The following EXOC6B variants were observed in gnomAD, a reference collection of about 807,000 sequenced individuals.
EXOC6B encodes SEC15 homolog B.
Under a neutral mutation model 113.5 loss-of-function variants are expected in EXOC6B, and 54 were observed. That is an observed-to-expected ratio of 0.48 (90% CI 0.38 to 0.60). The LOEUF (loss-of-function observed/expected upper bound fraction) is 0.60, where lower values mean the gene tolerates loss of function less well. EXOC6B is among the 20% of genes least tolerant of loss of function. EXOC6B has a pLI of 0.00. For missense variants in EXOC6B, 797 were observed against 977.5 expected, an observed-to-expected ratio of 0.82 and a Z score of 2.46; for synonymous variants, 357 against 339.0, an observed-to-expected ratio of 1.05 and a Z score of -0.58.
At chr2:72,233,232 G>C (rs1316164078) in intron 20 of EXOC6B, among the ~76,000 whole-genome samples, 1 of 152,106 alleles carries the variant, frequency 6.6e-6, no homozygotes, top group East Asian at 1.9e-4. Context: ...AGGGTGGCAG[G>C]AGAGGCCAAG....
Position 72,817,103 on chromosome 2 carries a change from CCT to C in EXOC6B, c.113+8693_113+8694del, listed in dbSNP as rs541996068. Among the ~76,000 whole-genome samples the C allele has an allele frequency of 9.0e-3, 1,375 of 152,286 alleles. 8 individuals are homozygous for C. Among genetic ancestry groups the C allele is most frequent in the Non-Finnish European group, 0.013 (914 of 68,008 alleles). On this transcript the variant is annotated intron_variant, in intron 1 of 21. Transcript: ENST00000272427. ...TGAAACTTATTTAACATTATCCACC[CCT>C]TTTTACCCAAATGTACAATTTCAAC...
At chr2:72,345,971 G>T (rs1689308029) in intron 19 of EXOC6B, among the ~76,000 whole-genome samples, 1 of 152,032 alleles carries the variant, frequency 6.6e-6, no homozygotes, top group Non-Finnish European at 1.5e-5. Flanking sequence ...ACCCAATTTT[G>T]CTGGGAACCT....
At chr2:72,613,592 T>TC (rs1671208683) in intron 6 of EXOC6B, among the ~76,000 whole-genome samples, 1 of 152,106 alleles carries the variant, frequency 6.6e-6, no homozygotes, top group Non-Finnish European at 1.5e-5. Flanking sequence ...TGCCATTTTT[T>TC]CTTCATATTT....
intron 19 of EXOC6B, among the ~76,000 whole-genome samples, chr2:72,341,488 C>T (rs1177382637): frequency 6.6e-6 from 1 of 152,082 alleles, no homozygotes; most frequent in East Asian, 1.9e-4. Context: ...ACAAAATACA[C>T]ACTTTTTGGT....
At chr2:72,254,929 GA>G (rs1321796344) in intron 20 of EXOC6B, among the ~76,000 whole-genome samples, 1 of 152,106 alleles carries the variant, frequency 6.6e-6, no homozygotes, top group Non-Finnish European at 1.5e-5. Context: ...GAGATAAATT[GA>G]AAAAGGAAAT....
intron 16 of EXOC6B, among the ~76,000 whole-genome samples, chr2:72,489,143 C>G (rs890559525): frequency 2.6e-5 from 4 of 152,202 alleles, no homozygotes; most frequent in Non-Finnish European, 5.9e-5. Context: ...AGAACATCTA[C>G]TAGAATCCTG....
At position 72,746,843 on chromosome 2, in the gene EXOC6B, G is replaced by T. The variant is rs1404609235; in HGVS notation, c.114-5374C>A. Among the ~76,000 whole-genome samples, 3 of 152,024 alleles carry T rather than the reference G, an allele frequency of 2.0e-5. No homozygotes were observed. In the East Asian group the frequency reaches 5.8e-4, roughly 29 times the overall value. ...CAGTCTATCTCTTTGAACAAGGAAA[G>T]CAAGCAGGTGGCATGGGCCCCCAAA... On this transcript the variant is annotated intron_variant, in intron 1 of 21. Transcript: ENST00000272427.
At position 72,435,237 on chromosome 2, in the gene EXOC6B, G is replaced by C. The variant is rs542626114; in HGVS notation, c.1980+29923C>G. Among the ~76,000 whole-genome samples, 8 of 152,260 alleles carry C rather than the reference G, an allele frequency of 5.3e-5. 1 individual carries two copies. In the South Asian group the frequency reaches 1.7e-3, roughly 32 times the overall value. On this transcript the variant is annotated intron_variant, in intron 18 of 21. Coordinates refer to ENST00000272427, the MANE Select transcript of EXOC6B (RefSeq NM_015189.3). Reference sequence around the variant, plus strand: ...TGTTTTGAGTGAGTTTCTTAATCCTGAGTTCTAATTTGATTGTGCTATGGT... The same window carrying C: ...TGTTTTGAGTGAGTTTCTTAATCCTCAGTTCTAATTTGATTGTGCTATGGT...
intron 20 of EXOC6B, among the ~76,000 whole-genome samples, chr2:72,283,104 C>T (rs1413201620): frequency 3.3e-5 from 5 of 152,086 alleles, no homozygotes; most frequent in African/African-American, 4.8e-5. Context: ...CTGCAGAAAA[C>T]ATCTTTTAAA....
At chr2:72,224,970 ATCTC>A (rs1409952270) in intron 20 of EXOC6B, among the ~76,000 whole-genome samples, 2 of 144,512 alleles carry the variant, frequency 1.4e-5, no homozygotes, top group African/African-American at 5.0e-5. Flanking sequence ...GTGTATATAC[ATCTC>A]TCTCTGTATG....
intron 18 of EXOC6B, among the ~76,000 whole-genome samples, chr2:72,424,802 G>A (rs1458254071): frequency 6.6e-6 from 1 of 152,012 alleles, no homozygotes; most frequent in African/African-American, 2.4e-5. Flanking sequence ...ATAATTTGTT[G>A]ACTATATCTT....
chr2:72,799,094 C>G (rs1017531415), intron 1 of EXOC6B, among the ~76,000 whole-genome samples: 1 of 151,270 alleles, frequency 6.6e-6, no homozygotes, highest in African/African-American at 2.4e-5. Context: ...ACAAAAATTA[C>G]CCGGGCATGG....
At chr2:72,227,175 G>A (rs1230141041) in intron 20 of EXOC6B, among the ~76,000 whole-genome samples, 1 of 152,098 alleles carries the variant, frequency 6.6e-6, no homozygotes, top group African/African-American at 2.4e-5. Context: ...AAAAGATAGA[G>A]GTTCTCAGAT....
intron 17 of EXOC6B, among the ~76,000 whole-genome samples, chr2:72,473,248 A>G (rs915622715): frequency 3.9e-5 from 6 of 152,054 alleles, no homozygotes; most frequent in Non-Finnish European, 5.9e-5. Flanking sequence ...ATCTGTCTCA[A>G]TGACCTGTTT....
intron 7 of EXOC6B, among the ~76,000 whole-genome samples, chr2:72,570,002 C>T (rs1162007051): frequency 1.3e-5 from 2 of 152,102 alleles, no homozygotes; most frequent in East Asian, 3.9e-4. Context: ...TGTGTTATGA[C>T]TATAATTGTG....
intron 8 of EXOC6B, among the ~76,000 whole-genome samples, chr2:72,551,672 T>A (rs1327434030): frequency 4.1e-5 from 6 of 147,076 alleles, no homozygotes; most frequent in Admixed American, 1.4e-4. Flanking sequence ...GCCCGGCTAA[T>A]TTTTTTTTTG....
intron 1 of EXOC6B, among the ~76,000 whole-genome samples, chr2:72,809,525 TA>T (rs1158594813): frequency 2.0e-5 from 3 of 147,672 alleles, no homozygotes; most frequent in African/African-American, 7.5e-5. Flanking sequence ...ACCAAGAATG[TA>T]AAATAACCCA....
At chr2:72,655,356 G>T (rs1474034919) in intron 6 of EXOC6B, among the ~76,000 whole-genome samples, 3 of 151,410 alleles carry the variant, frequency 2.0e-5, no homozygotes, top group Non-Finnish European at 4.4e-5. Flanking sequence ...TTTTTAAAGG[G>T]CAAACTAAAA....
intron 19 of EXOC6B, among the ~76,000 whole-genome samples, chr2:72,362,540 A>G (rs1690380599): frequency 2.0e-5 from 3 of 152,158 alleles, no homozygotes; most frequent in Admixed American, 2.0e-4. Flanking sequence ...TTGACTTTAT[A>G]ACAATAATGT....
Sources: allele counts gnomAD v4.1 joint callset (sites outside exome capture counted in the v4.1 genomes callset), GRCh38; gene constraint gnomAD v4.1.1; transcripts MANE v1.5; gene names NCBI Gene and HGNC (gene_info 2026-07-23, HGNC 2026-07-21).